Variants in TUB observed in about 807,000 individuals in gnomAD.
TUB encodes the protein TUB bipartite transcription factor.
Under a neutral mutation model 59.7 loss-of-function variants are expected in TUB, and 33 were observed. The observed-to-expected ratio is 0.55, with a 90% CI of 0.42 to 0.74. The LOEUF (loss-of-function observed/expected upper bound fraction) is 0.74, where lower values mean the gene tolerates loss of function less well. Ranked by LOEUF, TUB falls within the 30% of genes least tolerant of loss-of-function variation. The pLI is 0.00. For synonymous variants in TUB, 293 were observed against 256.4 expected, an observed-to-expected ratio of 1.14 and a Z score of -1.36; for missense variants, 659 against 672.0, an observed-to-expected ratio of 0.98 and a Z score of 0.21.
intron 10 of TUB, 62 bp downstream of exon 10, chr11:8,100,663 A>AG: frequency 6.4e-7 from 1 of 1,562,566 alleles, no homozygotes; most frequent in Non-Finnish European, 8.8e-7. Flanking sequence ...TGAGCTTCTA[A>AG]GGGCAGAACT....
At chr11:8,097,854 G>A (rs746440155) in intron 8 of TUB, 28 bp downstream of exon 8, 11 of 1,575,692 alleles carry the variant, frequency 7.0e-6, no homozygotes, top group Middle Eastern at 3.3e-4. Context: ...GGAAGCAGGC[G>A]GGAGTGGGAG....
At chr11:8,058,698 G>C (rs1351183018) in intron 2 of TUB, among the ~76,000 whole-genome samples, 1 of 152,084 alleles carries the variant, frequency 6.6e-6, no homozygotes, top group African/African-American at 2.4e-5. Context: ...TGTCTTTGTT[G>C]TTTCACTTTC....
chr11:8,024,861 G>C (rs979888930), intron 1 of TUB, among the ~76,000 whole-genome samples: 1 of 152,210 alleles, frequency 6.6e-6, no homozygotes, highest in Admixed American at 6.5e-5. Flanking sequence ...CAGACTCTGA[G>C]ACAAAGTAGC....
intron 2 of TUB, among the ~76,000 whole-genome samples, chr11:8,072,254 G>A (rs11041732): frequency 0.17 from 26,242 of 152,082 alleles, 3,421 homozygotes; most frequent in African/African-American, 0.37. Flanking sequence ...GTCTTCACGC[G>A]TCGCCTCCTC....
chr11:8,041,975 C>G (rs1942758785), intron 2 of TUB, among the ~76,000 whole-genome samples: 1 of 152,192 alleles, frequency 6.6e-6, no homozygotes, highest in South Asian at 2.1e-4. Flanking sequence ...TCTCACATTA[C>G]CCACTTATTG....
chr11:8,080,935 A>G (rs1231800000), upstream of TUB, among the ~76,000 whole-genome samples: 3 of 152,184 alleles, frequency 2.0e-5, no homozygotes, highest in Admixed American at 1.3e-4. Context: ...TAGCGCAGAT[A>G]GGTAGGGCAG....
At chr11:8,066,757 C>T (rs1029180068) in intron 2 of TUB, among the ~76,000 whole-genome samples, 2 of 152,162 alleles carry the variant, frequency 1.3e-5, no homozygotes, top group Non-Finnish European at 2.9e-5. Flanking sequence ...GGGTGTTTGA[C>T]GACTTCAGCA....
intron 2 of TUB, among the ~76,000 whole-genome samples, chr11:8,072,130 G>A (rs888039417): frequency 6.6e-6 from 1 of 152,172 alleles, no homozygotes; most frequent in Admixed American, 6.5e-5. Context: ...ACCAGGAGTC[G>A]GGAGAGAGAC....
chr11:8,025,113 G>T (rs76730533), intron 1 of TUB, among the ~76,000 whole-genome samples: 3,033 of 152,282 alleles, frequency 0.02, 105 homozygotes, highest in African/African-American at 0.069. Context: ...CTGTGGTCTC[G>T]TAGTTCTTAC....
chr11:8,073,496 A>G (rs1943394091), intron 2 of TUB, among the ~76,000 whole-genome samples: 2 of 152,356 alleles, frequency 1.3e-5, no homozygotes, highest in South Asian at 4.1e-4. Context: ...GTTACAAAAT[A>G]AAATGTTCTT....
intron 2 of TUB, among the ~76,000 whole-genome samples, chr11:8,051,298 A>G (rs1486877564): frequency 1.3e-5 from 2 of 152,214 alleles, no homozygotes; most frequent in Non-Finnish European, 2.9e-5. Context: ...TAAATTTTTC[A>G]TGTAACATAC....
chr11:8,088,675 T>C (rs1943712835), intron 1 of TUB, among the ~76,000 whole-genome samples: 1 of 152,226 alleles, frequency 6.6e-6, no homozygotes, highest in African/African-American at 2.4e-5. Context: ...CCTCACCTCA[T>C]GCAGCTGTCC....
At chr11:8,061,349 G>A (rs1263736147) in intron 2 of TUB, among the ~76,000 whole-genome samples, 1 of 152,218 alleles carries the variant, frequency 6.6e-6, no homozygotes, top group Non-Finnish European at 1.5e-5. Flanking sequence ...GCCTAGACCA[G>A]TGTGTGGGGG....
intron 1 of TUB, among the ~76,000 whole-genome samples, chr11:8,028,948 G>A (rs954032472): frequency 1.3e-5 from 2 of 152,264 alleles, no homozygotes; most frequent in African/African-American, 4.8e-5. Context: ...GAAGGTTGAG[G>A]TTGCAGTGAA....
chr11:8,064,647 CAG>C (rs1943202204), intron 2 of TUB, among the ~76,000 whole-genome samples: 1 of 152,148 alleles, frequency 6.6e-6, no homozygotes, highest in Admixed American at 6.5e-5. Context: ...CAGATAATGA[CAG>C]GGGCCTCCTC....
At chr11:8,049,580 TAGATAGATAGATAGATAG>T (rs1258915529) in intron 2 of TUB, among the ~76,000 whole-genome samples, 6 of 69,204 alleles carry the variant, frequency 8.7e-5, no homozygotes, top group African/African-American at 2.6e-4. Context: ...TATATATATA[TAGATAGATAGATAGATAG>T]ATAGATACAC....
intron 8 of TUB, 89 bp downstream of exon 8, chr11:8,097,915 G>T: frequency 1.0e-6 from 1 of 989,552 alleles, no homozygotes; most frequent in Non-Finnish European, 1.6e-6. Context: ...TCCTGAAGGA[G>T]ATCTAGGCCA....
At chr11:8,083,691 C>T (rs773287215) in intron 1 of TUB, among the ~76,000 whole-genome samples, 3 of 151,998 alleles carry the variant, frequency 2.0e-5, no homozygotes, top group African/African-American at 4.8e-5. Context: ...AGCCTGGCCC[C>T]GAGGAGCGTC....
intron 2 of TUB, among the ~76,000 whole-genome samples, chr11:8,050,451 A>C (rs368619118): frequency 6.6e-6 from 1 of 152,316 alleles, no homozygotes; most frequent in East Asian, 1.9e-4. Flanking sequence ...TATGAATCCC[A>C]GCTGTCCCAT....
Sources: allele counts gnomAD v4.1 joint callset (sites outside exome capture counted in the v4.1 genomes callset), GRCh38; gene constraint gnomAD v4.1.1; transcripts MANE v1.5; gene names NCBI Gene and HGNC (gene_info 2026-07-23, HGNC 2026-07-21).